The following EEF1E1 variants were observed in gnomAD, a reference collection of about 807,000 sequenced individuals.
EEF1E1 encodes eukaryotic translation elongation factor 1 epsilon 1, also known as eukaryotic translation elongation factor 1 epsilon-1.
In EEF1E1, 19 loss-of-function variants were observed where a neutral mutation model predicts 19.9. That is an observed-to-expected ratio of 0.95 (90% confidence interval 0.66 to 1.40). The LOEUF (loss-of-function observed/expected upper bound fraction) is 1.40, where lower values mean the gene tolerates loss of function less well. Among genes scored for constraint, EEF1E1 ranks in the 40% most tolerant of loss-of-function variants. The pLI, the probability that EEF1E1 is intolerant of heterozygous loss-of-function variation, is 0.00. For synonymous variants in EEF1E1, 81 were observed against 80.0 expected (o/e 1.01, Z -0.07); for missense variants, 198 against 202.2 (o/e 0.98, Z 0.13).
chr6:8,074,673 A>G (rs1757550732), downstream of EEF1E1, among the ~76,000 whole-genome samples: 1 of 152,262 alleles, frequency 6.6e-6, no homozygotes, highest in Non-Finnish European at 1.5e-5. Flanking sequence ...CAAGAAGCAC[A>G]GTAGAAATTC....
chr6:8,097,601 A>T, intron 1 of EEF1E1, 134 bp from the exon 2 acceptor site: 3 of 670,302 alleles, frequency 4.5e-6, no homozygotes, highest in Non-Finnish European at 7.4e-6. Flanking sequence ...ACTAAATTAC[A>T]TACAAATGAA....
chr6:8,096,927 G>A (rs1225801450), intron 2 of EEF1E1, among the ~76,000 whole-genome samples: 1 of 151,992 alleles, frequency 6.6e-6, no homozygotes, highest in East Asian at 1.9e-4. Flanking sequence ...GTCGAGTGGG[G>A]CATCACATCA....
chr6:8,079,679 G>C lies in EEF1E1; in HGVS notation c.*211C>G, dbSNP rs1757678334. On this transcript the variant is annotated 3_prime_UTR_variant, in exon 4 of 4. Coordinates refer to ENST00000379715, the MANE Select transcript of EEF1E1 (RefSeq NM_004280.5). ...TTAATTTATAACTGGATCTCAACTT[G>C]TTTAATAGCAATTGAATTTTGACAT... The C allele has an allele frequency of 2.4e-6, 3 of 1,260,580 alleles. No homozygotes were observed. The highest frequency in any genetic ancestry group is 2.0e-6 in the Non-Finnish European group (2 of 998,984). The allele number at this position is 1,260,580 out of a possible 1,614,324, so 78.1% of individuals were successfully genotyped here.
intron 1 of EEF1E1, among the ~76,000 whole-genome samples, chr6:8,099,740 T>C (rs1194240368): frequency 8.9e-6 from 1 of 111,844 alleles, no homozygotes; most frequent in Non-Finnish European, 1.7e-5. Flanking sequence ...AGAGTGAAGC[T>C]CCGCCTCAAA....
Position 8,079,688 on chromosome 6 carries a change from C to T in EEF1E1, c.*202G>A. On this transcript the variant is annotated 3_prime_UTR_variant, in exon 4 of 4. Transcript: ENST00000379715. ...AACTGGATCTCAACTTGTTTAATAG[C>T]AATTGAATTTTGACATAAAAATTGC... 7.9e-7 allele frequency: 1 copy of T among 1,264,004 alleles called. No homozygotes were observed. Among genetic ancestry groups the T allele is most frequent in the East Asian group, 2.9e-5 (1 of 34,296 alleles). 78.3% of individuals were successfully genotyped at this position (1,264,004 alleles called of 1,614,324 possible).
At chr6:8,075,009 T>C (rs891344299), downstream of EEF1E1, among the ~76,000 whole-genome samples, 22 of 152,092 alleles carry the variant, frequency 1.4e-4, no homozygotes, top group Non-Finnish European at 3.2e-4. Context: ...AAGAGTGAAA[T>C]AGTTGGGATG....
Position 8,097,469 on chromosome 6 carries a change from T to A in EEF1E1, c.88-2A>T. The A allele has an allele frequency of 1.9e-6, 3 of 1,606,830 alleles. No homozygotes were observed. The highest frequency in any genetic ancestry group is 1.7e-5 in the Admixed American group (1 of 58,536). On this transcript the variant is annotated splice_acceptor_variant, in intron 1 of 3. Coordinates refer to ENST00000379715, the MANE Select transcript of EEF1E1 (RefSeq NM_004280.5). LOFTEE classifies it high-confidence loss of function. ...ATTGTTTGTCTGAAGAACTGGAATC[T>A]TAAAAAGAAAAAAAAGTTCACAGAA...
At chr6:8,101,391 G>A (rs1758360667) in intron 1 of EEF1E1, among the ~76,000 whole-genome samples, 1 of 148,192 alleles carries the variant, frequency 6.7e-6, no homozygotes, top group African/African-American at 2.5e-5. Flanking sequence ...AGGGAGTAGG[G>A]GCCGAAGGGA....
At chr6:8,083,129 C>T (rs116345560) in intron 3 of EEF1E1, among the ~76,000 whole-genome samples, 1 of 152,296 alleles carries the variant, frequency 6.6e-6, no homozygotes, top group African/African-American at 2.4e-5. Flanking sequence ...TCTATCATGA[C>T]TTTGAACTTT....
At chr6:8,076,530 A>T (rs1381853865), downstream of EEF1E1, among the ~76,000 whole-genome samples, 1 of 151,930 alleles carries the variant, frequency 6.6e-6, no homozygotes, top group African/African-American at 2.4e-5. Context: ...TCACCGTGTT[A>T]GCCAGGATGG....
intron 2 of EEF1E1, among the ~76,000 whole-genome samples, chr6:8,093,509 G>A (rs1324463701): frequency 6.6e-6 from 1 of 151,944 alleles, no homozygotes; most frequent in Non-Finnish European, 1.5e-5. Context: ...ACAAATGTTA[G>A]TGTTTTGTAA....
intron 2 of EEF1E1, among the ~76,000 whole-genome samples, chr6:8,094,543 C>T (rs1371189114): frequency 1.3e-5 from 2 of 149,946 alleles, no homozygotes; most frequent in Non-Finnish European, 3.0e-5. Context: ...GAGGTTGCAG[C>T]CTGTGTGACA....
intron 3 of EEF1E1, among the ~76,000 whole-genome samples, chr6:8,080,922 A>T (rs1238120942): frequency 6.6e-6 from 1 of 152,206 alleles, no homozygotes; most frequent in Admixed American, 6.5e-5. Context: ...TTGTTGGGAG[A>T]CATTTTTAGT....
chr6:8,079,827 G>T lies in EEF1E1; in HGVS notation c.*63C>A. The T allele has an allele frequency of 6.4e-7, 1 of 1,560,572 alleles. No homozygotes were observed. On this transcript the variant is annotated 3_prime_UTR_variant, in exon 4 of 4. Transcript: ENST00000379715. ...TATATTAATTTACATTAGTCCTGTG[G>T]TCTAGAGTACATTTTCCATTTAAAA...
In EEF1E1 at chr6:8,079,489, T is replaced by C; in HGVS notation, c.*401A>G. On this transcript the variant is annotated 3_prime_UTR_variant, in exon 4 of 4. Transcript: ENST00000379715. ...CTTCCTTGGCACAATTTATCAGTTC[T>C]TAACAAACTACCATAAATATCCATA... 1.0e-6 allele frequency: 1 copy of C among 994,268 alleles called. No homozygotes were observed. Among genetic ancestry groups the C allele is most frequent in the Non-Finnish European group, 1.2e-6 (1 of 834,446 alleles). 61.6% of individuals were successfully genotyped at this position (994,268 alleles called of 1,614,324 possible).
At chr6:8,092,868 G>GTTGTTTTTTTT (rs1554099258) in intron 2 of EEF1E1, among the ~76,000 whole-genome samples, 4 of 108,202 alleles carry the variant, frequency 3.7e-5, no homozygotes, top group Non-Finnish European at 5.6e-5. Flanking sequence ...GATAAAGACT[G>GTTGTTTTTTTT]CTTTTTTTTT....
chr6:8,089,096 G>C (rs1379410093), intron 3 of EEF1E1, among the ~76,000 whole-genome samples: 1 of 152,168 alleles, frequency 6.6e-6, no homozygotes, highest in East Asian at 1.9e-4. Context: ...ATTTGGACTG[G>C]CCAAGAGCCG....
chr6:8,078,439 G>A (rs1221243878), downstream of EEF1E1: 3 of 192,472 alleles, frequency 1.6e-5, no homozygotes, highest in African/African-American at 2.4e-5. Flanking sequence ...CAAAGATCAC[G>A]GGACACAGAT....
chr6:8,092,197 T>C (rs1758029979), intron 2 of EEF1E1, among the ~76,000 whole-genome samples: 1 of 152,104 alleles, frequency 6.6e-6, no homozygotes, highest in Non-Finnish European at 1.5e-5. Context: ...AATTTTAACA[T>C]ATAAATTTGG....
Sources: allele counts gnomAD v4.1 joint callset (sites outside exome capture counted in the v4.1 genomes callset), GRCh38; gene constraint gnomAD v4.1.1; transcripts MANE v1.5; gene names NCBI Gene and HGNC (gene_info 2026-07-23, HGNC 2026-07-21).